The following PRDM5 variants were observed in gnomAD, a reference collection of about 807,000 sequenced individuals.
PRDM5 encodes PR/SET domain 5.
Under a neutral mutation model 81.2 loss-of-function variants are expected in PRDM5, and 56 were observed. The observed-to-expected ratio is 0.69, with a 90% CI of 0.56 to 0.86. PRDM5 has a LOEUF of 0.86. Among genes scored for constraint, PRDM5 ranks in the 40% least tolerant of loss-of-function variants. PRDM5 has a pLI of 0.00. For synonymous variants in PRDM5, 267 were observed against 256.4 expected, an observed-to-expected ratio of 1.04 and a Z score of -0.39; for missense variants, 697 against 770.1, an observed-to-expected ratio of 0.91 and a Z score of 1.12.
chr4:120,901,449 C>T (rs532248944), intron 2 of PRDM5, among the ~76,000 whole-genome samples: 13 of 152,200 alleles, frequency 8.5e-5, no homozygotes, highest in East Asian at 3.9e-4. Flanking sequence ...AGGAGACAGA[C>T]GTAGGAAAAT....
At chr4:120,727,083 G>T (rs1329675165) in intron 14 of PRDM5, among the ~76,000 whole-genome samples, 2 of 152,178 alleles carry the variant, frequency 1.3e-5, no homozygotes, top group Non-Finnish European at 2.9e-5. Flanking sequence ...TTACATGTCT[G>T]AAAACACATG....
chr4:120,736,807 A>G (rs1741190946), intron 14 of PRDM5, among the ~76,000 whole-genome samples: 1 of 152,254 alleles, frequency 6.6e-6, no homozygotes, highest in Non-Finnish European at 1.5e-5. Flanking sequence ...TCTTTAGATC[A>G]ATGAGCACAA....
chr4:120,793,313 C>T (rs1750855168), intron 10 of PRDM5, among the ~76,000 whole-genome samples: 1 of 152,168 alleles, frequency 6.6e-6, no homozygotes, highest in Non-Finnish European at 1.5e-5. Context: ...TGTCTCTCAT[C>T]ACCCCTAGAT....
intron 2 of PRDM5, among the ~76,000 whole-genome samples, chr4:120,897,771 C>G (rs1395747965): frequency 6.6e-6 from 1 of 152,180 alleles, no homozygotes; most frequent in African/African-American, 2.4e-5. Context: ...TAAATTTGCT[C>G]TAAATGTATA....
At chr4:120,914,243 T>A (rs1723827516) in intron 1 of PRDM5, among the ~76,000 whole-genome samples, 1 of 150,850 alleles carries the variant, frequency 6.6e-6, no homozygotes, top group Admixed American at 6.6e-5. Flanking sequence ...CAATTAAATA[T>A]CTTTACAGAA....
At chr4:120,846,989 C>T (rs956695413) in intron 3 of PRDM5, among the ~76,000 whole-genome samples, 2 of 152,046 alleles carry the variant, frequency 1.3e-5, no homozygotes, top group African/African-American at 2.4e-5. Context: ...CTTTCTACTG[C>T]TTGAAACTGC....
chr4:120,739,210 C>A (rs1741542495), intron 14 of PRDM5, among the ~76,000 whole-genome samples: 1 of 152,200 alleles, frequency 6.6e-6, no homozygotes, highest in Non-Finnish European at 1.5e-5. Flanking sequence ...CCTCGGATAT[C>A]CTAGAACATC....
At chr4:120,821,034 C>G (rs1755190766) in intron 4 of PRDM5, 137 bp downstream of exon 4, 2 of 1,059,924 alleles carry the variant, frequency 1.9e-6, no homozygotes, top group Non-Finnish European at 2.9e-6. Flanking sequence ...ACAGGATACC[C>G]TCGAGAATAA....
chr4:120,722,570 G>A (rs1440876531), intron 14 of PRDM5, among the ~76,000 whole-genome samples: 3 of 152,026 alleles, frequency 2.0e-5, no homozygotes, highest in Admixed American at 2.0e-4. Flanking sequence ...AAATGCTGAT[G>A]CCTACCCCCA....
intron 14 of PRDM5, among the ~76,000 whole-genome samples, chr4:120,728,484 AATT>A (rs1739774644): frequency 6.6e-6 from 1 of 152,070 alleles, no homozygotes; most frequent in Non-Finnish European, 1.5e-5. Flanking sequence ...GATTCCAGAC[AATT>A]ATTATTTCAG....
chr4:120,785,039 C>A lies in PRDM5; in HGVS notation c.1241G>T (p.Arg414Leu), dbSNP rs753113187. 1.1e-5 allele frequency: 17 copies of A among 1,611,464 alleles called. No individual in the cohort carries two copies. The highest frequency in any genetic ancestry group is 1.4e-5 in the Non-Finnish European group (17 of 1,178,114). ...FQCEECKALF[R>L]TPFSLQRHLL... ...GTGTCTCTGTAAAGAAAATGGGGTC[C>A]GGAACAAAGCTTTACATTCTTCACA... The change falls in exon 11 of 16, where the codon CGG (arginine) becomes CTG (leucine). Residue 414 changes from arginine to leucine, a missense_variant. Arg to Leu is a moderately radical substitution (Grantham distance 102). Coordinates refer to ENST00000264808, the MANE Select transcript of PRDM5 (RefSeq NM_018699.4).
intron 13 of PRDM5, among the ~76,000 whole-genome samples, chr4:120,759,176 A>G (rs1281970094): frequency 6.6e-6 from 1 of 152,198 alleles, no homozygotes; most frequent in African/African-American, 2.4e-5. Context: ...TTTCTACCCC[A>G]TGCCACCCGC....
At chr4:120,799,317 A>G (rs574923377) in intron 9 of PRDM5, among the ~76,000 whole-genome samples, 1 of 152,316 alleles carries the variant, frequency 6.6e-6, no homozygotes, top group Admixed American at 6.5e-5. Context: ...CTAGCACAGT[A>G]CCTAAATGAT....
intron 14 of PRDM5, among the ~76,000 whole-genome samples, chr4:120,733,976 A>C (rs2644695): frequency 0.99 from 150,332 of 151,752 alleles, 74,479 homozygotes; most frequent in East Asian, 1. Context: ...GCAGGGAAGA[A>C]TGTATAAAAA....
At chr4:120,806,511 A>G (rs1351766792) in intron 8 of PRDM5, among the ~76,000 whole-genome samples, 1 of 152,224 alleles carries the variant, frequency 6.6e-6, no homozygotes, top group Non-Finnish European at 1.5e-5. Flanking sequence ...CTATAGACCA[A>G]TGGAACAGAA....
intron 5 of PRDM5, 113 bp from the exon 6 acceptor site, chr4:120,817,037 T>C (rs534423821): frequency 1.4e-4 from 127 of 925,800 alleles, no homozygotes; most frequent in Middle Eastern, 1.1e-3. Flanking sequence ...CCTTTTTTCA[T>C]TGTCTTTTGC....
chr4:120,868,695 C>G (rs950837155), intron 2 of PRDM5, among the ~76,000 whole-genome samples: 2 of 152,104 alleles, frequency 1.3e-5, no homozygotes, highest in African/African-American at 4.8e-5. Flanking sequence ...TGTGTTCTGT[C>G]TGTAAAAGGT....
At chr4:120,711,422 C>T (rs1463625734) in intron 14 of PRDM5, among the ~76,000 whole-genome samples, 2 of 151,930 alleles carry the variant, frequency 1.3e-5, no homozygotes, top group Non-Finnish European at 2.9e-5. Flanking sequence ...CCTCAGCCTC[C>T]TGAGTAGCTG....
chr4:120,752,682 C>T (rs541829146), intron 14 of PRDM5, among the ~76,000 whole-genome samples: 1 of 152,094 alleles, frequency 6.6e-6, no homozygotes, highest in Non-Finnish European at 1.5e-5. Flanking sequence ...AGAAAATATT[C>T]AATTAAATAA....
Sources: allele counts gnomAD v4.1 joint callset (sites outside exome capture counted in the v4.1 genomes callset), GRCh38; gene constraint gnomAD v4.1.1; transcripts MANE v1.5; gene names NCBI Gene and HGNC (gene_info 2026-07-23, HGNC 2026-07-21).